Variants in INPP5A observed in about 807,000 individuals in gnomAD.
INPP5A encodes the protein inositol polyphosphate-5-phosphatase A, also known as 43 kDa inositol polyphosphate 5-phophatase.
Under a neutral mutation model 65.2 loss-of-function variants are expected in INPP5A, and 14 were observed. The ratio of observed to expected loss-of-function variants is 0.21; its 90% CI spans 0.14 to 0.34. INPP5A has a LOEUF of 0.34. Among genes scored for constraint, INPP5A ranks in the 10% least tolerant of loss-of-function variants. The pLI is 1.00. For missense variants in INPP5A, 431 were observed against 545.6 expected (o/e 0.79, Z 2.09); for synonymous variants, 207 against 208.3 (o/e 0.99, Z 0.05).
chr10:132,691,982 G>A (rs1167747698), intron 5 of INPP5A, among the ~76,000 whole-genome samples: 7 of 152,168 alleles, frequency 4.6e-5, no homozygotes, highest in Non-Finnish European at 1.0e-4. Flanking sequence ...GGAGGCATGC[G>A]GATGCTGACG....
intron 1 of INPP5A, among the ~76,000 whole-genome samples, chr10:132,543,602 A>G (rs1162254039): frequency 6.6e-6 from 1 of 152,100 alleles, no homozygotes; most frequent in East Asian, 1.9e-4. Context: ...ACTTTTTGAG[A>G]AGATGAGGTC....
intron 2 of INPP5A, among the ~76,000 whole-genome samples, chr10:132,638,844 A>AGG (rs1365958136): frequency 2.0e-5 from 3 of 152,138 alleles, no homozygotes; most frequent in Non-Finnish European, 4.4e-5. Context: ...CTGGGATTAG[A>AGG]GGTGTGAGCC....
At chr10:132,677,478 C>A (rs999328905) in intron 4 of INPP5A, among the ~76,000 whole-genome samples, 10 of 152,236 alleles carry the variant, frequency 6.6e-5, no homozygotes, top group African/African-American at 2.4e-4. Context: ...TGTCCTTAGA[C>A]CGGCCAATGA....
At chr10:132,712,280 A>G (rs1422488143) in intron 8 of INPP5A, among the ~76,000 whole-genome samples, 2 of 151,990 alleles carry the variant, frequency 1.3e-5, no homozygotes, top group Non-Finnish European at 2.9e-5. Flanking sequence ...GTGTGCACAC[A>G]TGCACATGCA....
intron 4 of INPP5A, among the ~76,000 whole-genome samples, chr10:132,667,619 A>G (rs927089690): frequency 2.0e-5 from 3 of 152,234 alleles, no homozygotes; most frequent in Non-Finnish European, 4.4e-5. Context: ...TCCCTTGTGC[A>G]AATAATGACA....
At chr10:132,632,970 G>T (rs1291911717) in intron 2 of INPP5A, among the ~76,000 whole-genome samples, 1 of 152,202 alleles carries the variant, frequency 6.6e-6, no homozygotes, top group East Asian at 1.9e-4. Flanking sequence ...CCAGGGCCTC[G>T]CCTGGAGAGC....
At chr10:132,621,928 G>A (rs2072115197) in intron 2 of INPP5A, among the ~76,000 whole-genome samples, 1 of 152,034 alleles carries the variant, frequency 6.6e-6, no homozygotes, top group Non-Finnish European at 1.5e-5. Flanking sequence ...TTTCACAAAA[G>A]GAAACAAAAG....
intron 1 of INPP5A, among the ~76,000 whole-genome samples, chr10:132,592,883 T>C (rs954138206): frequency 2.6e-5 from 4 of 152,204 alleles, no homozygotes; most frequent in Non-Finnish European, 5.9e-5. Flanking sequence ...CTCAGCCTGC[T>C]GGGTCCTTTG....
chr10:132,693,655 T>G (rs1845302565), intron 5 of INPP5A, among the ~76,000 whole-genome samples: 1 of 152,154 alleles, frequency 6.6e-6, no homozygotes, highest in Non-Finnish European at 1.5e-5. Flanking sequence ...AAGCTGGTTG[T>G]TTGAAAAAAA....
At position 132,650,502 on chromosome 10, in the gene INPP5A, C is replaced by T. The variant is rs758440223; in HGVS notation, c.303C>T (p.Phe101=). Reference sequence around the variant, plus strand: ...AAAACTACAAATCCCAGGAGCACTTCACGGTGAGTCCCTCCCGCTGCCTGG... The same window carrying T: ...AAAACTACAAATCCCAGGAGCACTTTACGGTGAGTCCCTCCCGCTGCCTGG... ...LDENYKSQEH[F]TALGSFYFLH... The change falls in exon 4 of 16, where the codon TTC becomes TTT. Residue 101 remains phenylalanine, a synonymous_variant. Transcript: ENST00000368594. This position sits in a 1 kb window ranked among gnomAD's most constrained non-coding sequence, Gnocchi z 5.5. 6.2e-7 allele frequency: 1 copy of T among 1,609,942 alleles called. No homozygotes were observed. The highest frequency in any genetic ancestry group is 8.5e-7 in the Non-Finnish European group (1 of 1,176,664).
chr10:132,607,943 G>C lies in INPP5A; in HGVS notation c.104G>C (p.Arg35Pro), dbSNP rs754683408. The C allele has an allele frequency of 1.2e-5, 19 of 1,611,744 alleles. No individual in the cohort carries two copies. Among genetic ancestry groups the C allele is most frequent in the Non-Finnish European group, 1.6e-5 (19 of 1,179,964 alleles). ...GAAAACCTGCAGAAGAACTGGCTTC[G>C]GGAATTTTACCAGGTAAGAACCACT... ...DPENLQKNWL[R>P]EFYQVVHTHK... The change falls in exon 2 of 16, where the codon CGG becomes CCG. Residue 35 changes from arginine (R) to proline (P), a missense_variant. By Grantham distance (103) the Arg-to-Pro change is moderately radical (BLOSUM62 -2). Coordinates refer to ENST00000368594, the MANE Select transcript of INPP5A (RefSeq NM_005539.5).
At chr10:132,702,350 GA>G (rs1223017838) in intron 6 of INPP5A, among the ~76,000 whole-genome samples, 1 of 152,030 alleles carries the variant, frequency 6.6e-6, no homozygotes, top group East Asian at 1.9e-4. Context: ...ATTAATGTTG[GA>G]AAAAATTCTC....
chr10:132,568,096 CAGG>C (rs532904806), intron 1 of INPP5A, among the ~76,000 whole-genome samples: 114 of 147,454 alleles, frequency 7.7e-4, no homozygotes, highest in African/African-American at 2.7e-3. Flanking sequence ...GAGGCTGAGG[CAGG>C]AGAATTGCTT....
intron 6 of INPP5A, among the ~76,000 whole-genome samples, chr10:132,703,740 CACAT>C (rs1163142822): frequency 1.0e-5 from 1 of 96,322 alleles, no homozygotes; most frequent in East Asian, 3.8e-4. Context: ...CACCTGCACA[CACAT>C]ACACGTACGG....
chr10:132,749,724 C>G (rs1363567290), intron 10 of INPP5A, 47 bp from the exon 11 acceptor site: 6 of 1,603,746 alleles, frequency 3.7e-6, no homozygotes, highest in Non-Finnish European at 5.1e-6. Flanking sequence ...GGGACACGCA[C>G]AAGGCTGGGG....
At chr10:132,679,673 A>C (rs893363924) in intron 4 of INPP5A, among the ~76,000 whole-genome samples, 4 of 152,242 alleles carry the variant, frequency 2.6e-5, no homozygotes, top group Non-Finnish European at 5.9e-5. Flanking sequence ...ATTATATTTA[A>C]AAATTAAAAA....
intron 13 of INPP5A, 36 bp downstream of exon 13, chr10:132,777,818 G>T (rs947464191): frequency 4.4e-6 from 7 of 1,603,346 alleles, no homozygotes; most frequent in Non-Finnish European, 6.0e-6. Flanking sequence ...GGCACAGAGG[G>T]ATGTGGAGCG....
intron 12 of INPP5A, among the ~76,000 whole-genome samples, chr10:132,769,824 G>A (rs922473874): frequency 4.6e-4 from 66 of 142,280 alleles, no homozygotes; most frequent in Non-Finnish European, 8.6e-4. Flanking sequence ...TTCCTGATAC[G>A]TGTGGCTCCC....
chr10:132,766,056 G>A (rs1047244436), intron 12 of INPP5A, among the ~76,000 whole-genome samples: 1 of 152,142 alleles, frequency 6.6e-6, no homozygotes, highest in Non-Finnish European at 1.5e-5. Context: ...GTGTGTGAAC[G>A]TATGCGTCTG....
Sources: gnomAD v4.1 joint callset for allele counts (sites outside exome capture counted in the v4.1 genomes callset) on GRCh38, gnomAD v4.1.1 for gene constraint, Gnocchi (gnomAD v3.1) non-coding constraint, MANE v1.5 for transcripts, NCBI Gene and HGNC (gene_info 2026-07-23, HGNC 2026-07-21) for gene names.